GFRA3: variants seen among roughly 807,000 people sequenced by gnomAD.
GFRA3 encodes GDNF family receptor alpha-3.
A neutral mutation model predicts 40.0 loss-of-function variants in GFRA3; 24 were observed. The observed-to-expected ratio is 0.60, with a 90% CI of 0.43 to 0.84. GFRA3 has a LOEUF of 0.84. Among genes scored for constraint, GFRA3 ranks in the 40% least tolerant of loss-of-function variants. The pLI is 0.00. For missense variants in GFRA3, 405 were observed against 530.6 expected (o/e 0.76, Z 2.33); for synonymous variants, 203 against 213.5 (o/e 0.95, Z 0.43).
intron 2 of GFRA3, among the ~76,000 whole-genome samples, chr5:138,263,116 C>G (rs1295450992): frequency 6.6e-6 from 1 of 152,120 alleles, no homozygotes. Context: ...CAGGTGCCCA[C>G]CACCATGCCC....
chr5:138,256,016 C>T (rs1263320334), intron 4 of GFRA3, among the ~76,000 whole-genome samples: 3 of 148,694 alleles, frequency 2.0e-5, no homozygotes, highest in Admixed American at 6.7e-5. Context: ...TCAACTGAGG[C>T]CAGGAGTTCG....
At chr5:138,267,769 C>A (rs1389029854) in intron 1 of GFRA3, 1 of 152,620 alleles carries the variant, frequency 6.6e-6, no homozygotes, top group East Asian at 1.9e-4. Flanking sequence ...TTGGTGGTGG[C>A]TCCACTGCAG....
At chr5:138,261,373 T>C (rs987459260) in intron 2 of GFRA3, among the ~76,000 whole-genome samples, 2 of 152,062 alleles carry the variant, frequency 1.3e-5, no homozygotes, top group African/African-American at 4.8e-5. Flanking sequence ...GAAAAGATAA[T>C]CTAGAAATTT....
rs972120138 is a variant in GFRA3, at chr5:138,256,251, G to A, written c.785+1388C>T. ...GTCTTAAAAAAAAAAAAAAATCGCT[G>A]GGCACGGTGGCTTATGCCTGTTATC... On this transcript the variant is annotated intron_variant, in intron 4 of 7. Transcript: ENST00000274721. 6.8e-5 allele frequency among the ~76,000 whole-genome samples: 10 copies of A among 146,762 alleles called. No individual in the cohort carries two copies. In the East Asian group the frequency reaches 1.6e-3, roughly 24 times the overall value.
rs749653460 is a variant in GFRA3 at position 138,257,957 on chromosome 5, G to A, written c.473-6C>T. The A allele has an allele frequency of 6.2e-7, 1 of 1,613,510 alleles. No individual in the cohort carries two copies. The highest frequency in any genetic ancestry group is 1.7e-5 in the Admixed American group (1 of 60,004). The stretch of plus-strand genomic sequence containing the variant: ...CTTGAGGCAGAGGTCTGAGTCTGGG[G>A]GGAAAGGGCACGGAGTCAGTCGGCT... On this transcript the variant is annotated splice_polypyrimidine_tract_variant and splice_region_variant and intron_variant, in intron 3 of 7. Transcript: ENST00000274721.
intron 4 of GFRA3, among the ~76,000 whole-genome samples, chr5:138,256,553 AC>A (rs1232809169): frequency 2.0e-3 from 256 of 128,766 alleles, no homozygotes; most frequent in Non-Finnish European, 3.9e-3. Context: ...AAAAAAACAA[AC>A]AAAAAAAAAA....
At position 138,252,811 on chromosome 5, in the gene GFRA3, T is replaced by C. The variant is rs1414581376; in HGVS notation, c.*157A>G. On this transcript the variant is annotated 3_prime_UTR_variant, in exon 8 of 8. Transcript: ENST00000274721. ...GAGATGGGGTGGAGGGAATGAGGAC[T>C]GGACCAGTAAGGATCTGGAGGTCAT... is the stretch of plus-strand genomic sequence containing the variant. 2 of 562,634 alleles carry C rather than the reference T, an allele frequency of 3.6e-6. No homozygotes were observed. Among genetic ancestry groups the C allele is most frequent in the Admixed American group, 6.1e-5 (2 of 32,534 alleles). The allele number at this position is 562,634 out of a possible 1,614,324, so 34.9% of individuals were successfully genotyped here. A position where few individuals can be genotyped will look rare whatever the true frequency, so the allele number is the denominator to read the frequency against.
intron 1 of GFRA3, among the ~76,000 whole-genome samples, chr5:138,265,466 C>T (rs2126617528): frequency 6.6e-6 from 1 of 152,286 alleles, no homozygotes; most frequent in Non-Finnish European, 1.5e-5. Context: ...AATCCGCCCA[C>T]CTTAGCCTCC....
At position 138,272,630 on chromosome 5, in the gene GFRA3, G is replaced by A. The variant is rs1266760640; in HGVS notation, c.91+1704C>T. On this transcript the variant is annotated intron_variant, in intron 1 of 7. Coordinates refer to ENST00000274721, the MANE Select transcript of GFRA3 (RefSeq NM_001496.4). The stretch of plus-strand genomic sequence containing the variant: ...TGAACTCCAGCCTGGGTGACAGATT[G>A]ATACCCTGTCTCAAAAAAAAAATCA... 3.5e-5 allele frequency among the ~76,000 whole-genome samples: 5 copies of A among 142,464 alleles called. No homozygotes were observed. In the East Asian group the frequency reaches 8.2e-4, roughly 23 times the overall value. 93.5% of individuals were successfully genotyped at this position (142,464 alleles called of 152,430 possible).
At chr5:138,258,276 G>C (rs1416913238) in intron 3 of GFRA3, among the ~76,000 whole-genome samples, 1 of 144,666 alleles carries the variant, frequency 6.9e-6, no homozygotes, top group Non-Finnish European at 1.5e-5. Context: ...CGCCTCCTGG[G>C]TTCAAGCAAT....
chr5:138,274,192 G>T (rs1233281775), intron 1 of GFRA3, 142 bp downstream of exon 1: 2 of 1,130,280 alleles, frequency 1.8e-6, no homozygotes, highest in Non-Finnish European at 2.3e-6. Flanking sequence ...GGCACCCTGG[G>T]CTTCCTGCTC....
rs143061950 is a variant in GFRA3, at chr5:138,264,397, C to T, written c.243G>A (p.Ser81=). Residue 81 remains serine (S), a synonymous_variant, in exon 2 of 8, where the codon TCG becomes TCA. Coordinates refer to ENST00000274721, the MANE Select transcript of GFRA3 (RefSeq NM_001496.4). The part of the protein sequence containing the change: ...ISTPLPSEEP[S]VPADCLEAAQ... ...CTGCCTCCAGGCAGTCAGCAGGGAC[C>T]GAAGGCTCCTCTGAGGGCAGTGGGG... 1.5e-4 allele frequency: 243 copies of T among 1,613,966 alleles called. No homozygotes were observed. Among genetic ancestry groups the T allele is most frequent in the Non-Finnish European group, 1.7e-4 (197 of 1,180,006 alleles).
intron 1 of GFRA3, among the ~76,000 whole-genome samples, chr5:138,266,729 A>C (rs1045604531): frequency 1.3e-5 from 2 of 150,862 alleles, no homozygotes; most frequent in African/African-American, 4.9e-5. Context: ...GCTGGAGTGC[A>C]GTGATACAAT....
chr5:138,271,913 T>TTTTTGTG (rs59830655), intron 1 of GFRA3, among the ~76,000 whole-genome samples: 1 of 54,332 alleles, frequency 1.8e-5, no homozygotes. Context: ...TTTTTTTTTT[T>TTTTTGTG]TGTGTGTGTG....
intron 2 of GFRA3, among the ~76,000 whole-genome samples, chr5:138,263,004 G>A (rs1024928536): frequency 6.6e-6 from 1 of 151,702 alleles, no homozygotes; most frequent in Non-Finnish European, 1.5e-5. Flanking sequence ...TCGCTCTGTC[G>A]CCCAGGCTAG....
intron 2 of GFRA3, among the ~76,000 whole-genome samples, chr5:138,262,228 T>G (rs1187556017): frequency 2.0e-5 from 3 of 152,096 alleles, no homozygotes; most frequent in Non-Finnish European, 4.4e-5. Context: ...CCTAATACCC[T>G]TTTCAAATGT....
chr5:138,257,654 G>A lies in GFRA3; in HGVS notation c.770C>T (p.Ser257Phe). 1 of 1,609,674 alleles carries A rather than the reference G, an allele frequency of 6.2e-7. No homozygotes were observed. Among genetic ancestry groups the A allele is most frequent in the Non-Finnish European group, 8.5e-7 (1 of 1,179,070 alleles). Residue 257 changes from serine to phenylalanine, a missense_variant, in exon 4 of 8, where the codon TCC (serine) becomes TTC (phenylalanine). Transcript: ENST00000274721. ...AACTACACACCTGCAAAGCGGGTCG[G>A]AGAAGCAGAGGCGCCGCAGCTCCAG... ...NCLELRRLCF[S>F]DPLCRSRLVD... is the part of the protein sequence containing the mutation.
chr5:138,269,438 A>G (rs1269362392), intron 1 of GFRA3, among the ~76,000 whole-genome samples: 22 of 151,448 alleles, frequency 1.5e-4, no homozygotes, highest in Admixed American at 1.4e-3. Flanking sequence ...CGAGAGGCTG[A>G]GGCTGGAGAA....
intron 2 of GFRA3, among the ~76,000 whole-genome samples, chr5:138,260,589 T>G (rs1755695818): frequency 6.6e-6 from 1 of 151,902 alleles, no homozygotes; most frequent in Admixed American, 6.6e-5. Context: ...GCCAACATGG[T>G]GAAACCCCAT....
Sources: gnomAD v4.1 joint callset for allele counts (sites outside exome capture counted in the v4.1 genomes callset) on GRCh38, gnomAD v4.1.1 for gene constraint, MANE v1.5 for transcripts, NCBI Gene and HGNC (gene_info 2026-07-23, HGNC 2026-07-21) for gene names.